The following TRIM49C variants were observed in gnomAD, a reference collection of about 807,000 sequenced individuals.
TRIM49C encodes tripartite motif-containing protein 49C.
TRIM49C carries 6 observed loss-of-function variants against 21.4 expected under a neutral mutation model. The ratio of observed to expected loss-of-function variants is 0.28; its 90% CI spans 0.15 to 0.55. The LOEUF (loss-of-function observed/expected upper bound fraction) is 0.55, where lower values mean the gene tolerates loss of function less well. TRIM49C is among the 20% of genes least tolerant of loss of function. TRIM49C has a pLI of 0.94. For synonymous variants in TRIM49C, 57 were observed against 148.1 expected, an observed-to-expected ratio of 0.38 and a Z score of 4.47; for missense variants, 161 against 442.4, an observed-to-expected ratio of 0.36 and a Z score of 5.71.
chr11:90,066,367 G>A, the TRIM49C span, among the ~76,000 whole-genome samples: 1 of 137,388 alleles, frequency 7.3e-6, no homozygotes, highest in East Asian at 2.3e-4. Context: ...TAAAATTATA[G>A]TTGCTTATGT....
chr11:90,054,792 A>G, the TRIM49C span, among the ~76,000 whole-genome samples: 1 of 138,746 alleles, frequency 7.2e-6, no homozygotes, highest in South Asian at 2.5e-4. Context: ...AATGGTTGAG[A>G]AAACATGGTA....
At chr11:90,039,267 GT>G (rs965107730) in intron 6 of TRIM49C, among the ~76,000 whole-genome samples, 1 of 123,218 alleles carries the variant, frequency 8.1e-6, no homozygotes, top group Non-Finnish European at 1.7e-5. Context: ...AAAGATAAGA[GT>G]TTTGTTTTGT....
intron 2 of TRIM49C, among the ~76,000 whole-genome samples, chr11:90,033,921 G>A (rs1176496194): frequency 3.3e-5 from 4 of 122,548 alleles, no homozygotes; most frequent in African/African-American, 6.3e-5. Flanking sequence ...ATTTCAGCCT[G>A]CGTGACAGAA....
chr11:90,048,385 C>A, the TRIM49C span, among the ~76,000 whole-genome samples: 1 of 123,008 alleles, frequency 8.1e-6, no homozygotes, highest in Admixed American at 9.2e-5. Flanking sequence ...TTTCCATACT[C>A]CCCATCACTT....
At chr11:90,070,907 C>A in the TRIM49C span, among the ~76,000 whole-genome samples, 1 of 140,534 alleles carries the variant, frequency 7.1e-6, no homozygotes, top group Non-Finnish European at 1.5e-5. Context: ...TATTCTCCTG[C>A]CTCATCCTCC....
intron 4 of TRIM49C, among the ~76,000 whole-genome samples, chr11:90,036,966 A>T (rs1464044377): frequency 3.0e-5 from 4 of 134,882 alleles, no homozygotes; most frequent in African/African-American, 5.3e-5. Flanking sequence ...AAAAATTCAA[A>T]TTGAAACAAA....
chr11:90,053,105 T>TG, the TRIM49C span, among the ~76,000 whole-genome samples: 1 of 139,076 alleles, frequency 7.2e-6, no homozygotes, highest in African/African-American at 2.6e-5. Flanking sequence ...TGCTCATTCT[T>TG]GGGCCCCACC....
At position 90,037,994 on chromosome 11, in the gene TRIM49C, T is replaced by C. The variant is rs1210557946; in HGVS notation, c.738+15T>C. 1 of 213,432 alleles carries C rather than the reference T, an allele frequency of 4.7e-6. No individual in the cohort carries two copies. Among genetic ancestry groups the C allele is most frequent in the Non-Finnish European group, 6.8e-6 (1 of 146,200 alleles). The allele number at this position is 213,432 out of a possible 1,614,324, so 13.2% of individuals were successfully genotyped here. Reference sequence around the variant, plus strand: ...AGCTACTTCAGGTAAAAACTCGCCATGTGGTTTCAGGTTTTTGAATATTCA... The same window carrying C: ...AGCTACTTCAGGTAAAAACTCGCCACGTGGTTTCAGGTTTTTGAATATTCA... On this transcript the variant is annotated intron_variant, in intron 5 of 7. Transcript: ENST00000448984.
At chr11:90,036,141 C>T (rs878989701) in intron 4 of TRIM49C, among the ~76,000 whole-genome samples, 158 bp downstream of exon 4, 52 of 114,494 alleles carry the variant, frequency 4.5e-4, no homozygotes, top group Non-Finnish European at 6.5e-4. Context: ...CATTTTTATA[C>T]AGAATAGTAT....
the TRIM49C span, chr11:90,052,983 C>T: frequency 9.2e-5 from 13 of 140,662 alleles, no homozygotes; most frequent in African/African-American, 2.8e-4. Flanking sequence ...TCTTCAATGC[C>T]TACTGAGAAG....
At chr11:90,034,769 ACCATCTTCTCATATTTCTTTGG>A (rs1404257963) in intron 2 of TRIM49C, among the ~76,000 whole-genome samples, 5 of 134,056 alleles carry the variant, frequency 3.7e-5, no homozygotes, top group Non-Finnish European at 8.0e-5. Context: ...ATGTCATAGA[ACCATCTTCTCATATTTCTTTGG>A]CCATCTTCTC....
At position 90,041,040 on chromosome 11, in the gene TRIM49C, T is replaced by A. The variant is rs1252262208; in HGVS notation, c.860-11T>A. 12 of 1,472,990 alleles carry A rather than the reference T, an allele frequency of 8.1e-6. No homozygotes were observed. Among genetic ancestry groups the A allele is most frequent in the Non-Finnish European group, 1.1e-5 (12 of 1,117,478 alleles). The allele number at this position is 1,472,990 out of a possible 1,614,324, so 91.2% of individuals were successfully genotyped here. On this transcript the variant is annotated splice_polypyrimidine_tract_variant and intron_variant, in intron 7 of 7. Transcript: ENST00000448984. Reference sequence around the variant, plus strand: ...TCTATGCATGTTTTCTTTTTTTTTTTTTTTTTGCAGTGCATATTACTCTGC... The same window carrying A: ...TCTATGCATGTTTTCTTTTTTTTTTATTTTTTGCAGTGCATATTACTCTGC...
At chr11:90,045,073 A>T (rs375568568), downstream of TRIM49C, among the ~76,000 whole-genome samples, 130 of 125,876 alleles carry the variant, frequency 1.0e-3, 19 homozygotes, top group East Asian at 0.028. Flanking sequence ...TTTGTCAAAG[A>T]TCAGATGGTT....
At chr11:90,047,486 C>A in the TRIM49C span, among the ~76,000 whole-genome samples, 1 of 115,042 alleles carries the variant, frequency 8.7e-6, no homozygotes, top group East Asian at 2.7e-4. Flanking sequence ...AGATAGTTAG[C>A]TCCTCTTGTT....
the TRIM49C span, chr11:90,052,713 T>A: frequency 2.6e-5 from 4 of 153,556 alleles, no homozygotes; most frequent in Admixed American, 1.3e-4. Context: ...AGCTCAGGGC[T>A]CCGATGTGAT....
the TRIM49C span, among the ~76,000 whole-genome samples, chr11:90,055,843 T>C: frequency 6.9e-6 from 1 of 144,044 alleles, no homozygotes; most frequent in African/African-American, 2.5e-5. Context: ...GAGAAATGCA[T>C]CTTCTGAATC....
rs1312601230 is a variant in TRIM49C, at chr11:90,039,886, C to T, written c.783C>T (p.His261=). ...ILHRSESVLL[H]MPQPLNPELS... is the part of the protein sequence containing the mutation. ...GCAGGAGTGAGTCCGTGCTGCTGCA[C>T]ATGCCCCAGCCTCTGAATCCAGAGC... The change falls in exon 7 of 8, where the codon CAC becomes CAT. Residue 261 remains histidine, a synonymous_variant. Coordinates refer to ENST00000448984, the MANE Select transcript of TRIM49C (RefSeq NM_001195234.1). The T allele has an allele frequency of 1.7e-6, 2 of 1,156,514 alleles. No homozygotes were observed. The highest frequency in any genetic ancestry group is 2.3e-6 in the Non-Finnish European group (2 of 856,004). 71.6% of individuals were successfully genotyped at this position (1,156,514 alleles called of 1,614,324 possible). A position where few individuals can be genotyped will look rare whatever the true frequency, so the allele number is the denominator to read the frequency against.
chr11:90,073,376 A>G, the TRIM49C span: 1 of 634,290 alleles, frequency 1.6e-6, no homozygotes, highest in East Asian at 3.0e-5. Context: ...TTTCTTTTAC[A>G]CTGGCCACAG....
chr11:90,071,036 T>C, the TRIM49C span: 5 of 454,314 alleles, frequency 1.1e-5, 1 homozygote, highest in South Asian at 8.3e-5. Flanking sequence ...CCTCAGGTGA[T>C]CCACCCACCT....
Sources: allele counts gnomAD v4.1 joint callset (sites outside exome capture counted in the v4.1 genomes callset), GRCh38; gene constraint gnomAD v4.1.1; transcripts MANE v1.5; gene names NCBI Gene and HGNC (gene_info 2026-07-23, HGNC 2026-07-21).